UTP23: variants seen among roughly 807,000 people sequenced by gnomAD.
UTP23 encodes the protein UTP23 small subunit processome component.
UTP23 carries 10 observed loss-of-function variants against 19.8 expected under a neutral mutation model. That is an observed-to-expected ratio of 0.50 (90% CI 0.31 to 0.86). The LOEUF is 0.86. UTP23 is among the 40% of genes least tolerant of loss of function. The probability of loss-of-function intolerance (pLI) is 0.05; values close to 1 mark genes in which losing one functional copy is unlikely to be tolerated. For synonymous variants in UTP23, 108 were observed against 105.4 expected, an observed-to-expected ratio of 1.02 and a Z score of -0.15; for missense variants, 282 against 293.1, an observed-to-expected ratio of 0.96 and a Z score of 0.28.
intron 2 of UTP23, 196 bp downstream of exon 2, chr8:116,770,562 G>T: frequency 2.0e-6 from 1 of 488,224 alleles, no homozygotes; most frequent in Non-Finnish European, 3.4e-6. Flanking sequence ...ATTCTTTTTA[G>T]TAGTGGAAGG....
chr8:116,768,496 A>C (rs911819773), intron 1 of UTP23, among the ~76,000 whole-genome samples: 1 of 152,200 alleles, frequency 6.6e-6, no homozygotes, highest in Non-Finnish European at 1.5e-5. Context: ...AGTTATTAAC[A>C]TGGCCAATCT....
chr8:116,767,693 A>C (rs917367191), intron 1 of UTP23, among the ~76,000 whole-genome samples: 11 of 152,228 alleles, frequency 7.2e-5, no homozygotes, highest in African/African-American at 2.7e-4. Context: ...CCTGGGAAAG[A>C]GGTTGCAGCA....
rs757059865 is a variant in UTP23, at chr8:116,771,556, T to G, written c.464T>G (p.Ile155Ser). The change falls in exon 3 of 3, where the codon ATT (isoleucine) becomes AGT (serine). Residue 155 changes from isoleucine (I) to serine (S), a missense_variant. Coordinates refer to ENST00000309822, the MANE Select transcript of UTP23 (RefSeq NM_032334.3). ...TTGGACAAACCTTCTCCCAAAACAA[T>G]TGCCTTTGTAAAAGCAGTGGAGTCA... ...MVLDKPSPKT[I>S]AFVKAVESGQ... The G allele has an allele frequency of 6.2e-7, 1 of 1,612,478 alleles. No individual in the cohort carries two copies. Among genetic ancestry groups the G allele is most frequent in the Non-Finnish European group, 8.5e-7 (1 of 1,179,626 alleles).
At position 116,766,683 on chromosome 8, in the gene UTP23, A is replaced by G; in HGVS notation, c.80A>G (p.Gln27Arg). 1 of 1,613,824 alleles carries G rather than the reference A, an allele frequency of 6.2e-7. No homozygotes were observed. The highest frequency in any genetic ancestry group is 1.3e-5 in the African/African-American group (1 of 75,060). ...RNNFGVREPY[Q>R]ILLDGTFCQA... is the part of the protein sequence containing the mutation. Reference sequence around the variant, plus strand: ...AACTTCGGAGTCCGCGAGCCGTACCAGATCCTGCTGGACGGCACCTTCTGT... The same window carrying G: ...AACTTCGGAGTCCGCGAGCCGTACCGGATCCTGCTGGACGGCACCTTCTGT... Residue 27 changes from glutamine to arginine, a missense_variant, in exon 1 of 3, where the codon CAG becomes CGG. Gln to Arg is a conservative substitution (Grantham distance 43). Transcript: ENST00000309822.
chr8:116,767,166 T>C (rs999866268), intron 1 of UTP23, among the ~76,000 whole-genome samples: 1 of 152,226 alleles, frequency 6.6e-6, no homozygotes, highest in Non-Finnish European at 1.5e-5. Context: ...TGCTGTAAGC[T>C]CAAACGAGTA....
chr8:116,771,389 C>G (rs1815648287), intron 2 of UTP23, 67 bp from the exon 3 acceptor site: 2 of 1,277,784 alleles, frequency 1.6e-6, no homozygotes, highest in Admixed American at 5.8e-5. Flanking sequence ...TAATACAGTT[C>G]TTGAAAACCT....
chr8:116,767,235 C>G (rs893181605), intron 1 of UTP23, among the ~76,000 whole-genome samples: 1 of 152,226 alleles, frequency 6.6e-6, no homozygotes. Context: ...TGGTTGCTGT[C>G]ATTTGCATAG....
In UTP23 at chr8:116,772,933, CT is replaced by C; in HGVS notation, c.*1093del. The C allele has an allele frequency of 1.0e-6, 1 of 985,394 alleles. No individual in the cohort carries two copies. Among genetic ancestry groups the C allele is most frequent in the Non-Finnish European group, 1.2e-6 (1 of 829,896 alleles). The allele number at this position is 985,394 out of a possible 1,614,324, so 61.0% of individuals were successfully genotyped here. ...CGTATCAGTAGTTCCTGACTGACAGCTTCTGGAGCCACACTAGAGCAGTGAT... is the reference window on the plus strand; with the variant it reads ...CGTATCAGTAGTTCCTGACTGACAGCTCTGGAGCCACACTAGAGCAGTGAT... On this transcript the variant is annotated 3_prime_UTR_variant, in exon 3 of 3. Transcript: ENST00000309822.
Position 116,773,508 on chromosome 8 carries a change from G to T in UTP23, c.*1666G>T. 1 of 983,832 alleles carries T rather than the reference G, an allele frequency of 1.0e-6. No individual in the cohort carries two copies. Among genetic ancestry groups the T allele is most frequent in the Non-Finnish European group, 1.2e-6 (1 of 828,488 alleles). 60.9% of individuals were successfully genotyped at this position (983,832 alleles called of 1,614,324 possible). A position where few individuals can be genotyped will look rare whatever the true frequency, so the allele number is the denominator to read the frequency against. On this transcript the variant is annotated 3_prime_UTR_variant, in exon 3 of 3. Transcript: ENST00000309822. ...TTATAGAAGTACTAAAAATTACAAT[G>T]TATTAGTAAGTTTAATATTTTGACA... is the stretch of plus-strand genomic sequence containing the variant.
chr8:116,774,312 T>C lies in UTP23; in HGVS notation c.*2470T>C. 1 of 985,316 alleles carries C rather than the reference T, an allele frequency of 1.0e-6. No homozygotes were observed. The allele number at this position is 985,316 out of a possible 1,614,324, so 61.0% of individuals were successfully genotyped here. ...TGCAAGTATATAAATTAAAACCAAGTCACTTTAGAACAGCTTTGAAACTAG... is the reference window on the plus strand; with the variant it reads ...TGCAAGTATATAAATTAAAACCAAGCCACTTTAGAACAGCTTTGAAACTAG... On this transcript the variant is annotated 3_prime_UTR_variant, in exon 3 of 3. Transcript: ENST00000309822.
Position 116,771,510 on chromosome 8 carries a change from A to G in UTP23, c.418A>G (p.Ile140Val). 6.4e-7 allele frequency: 1 copy of G among 1,560,524 alleles called. No homozygotes were observed. The highest frequency in any genetic ancestry group is 1.2e-5 in the South Asian group (1 of 80,042). The change falls in exon 3 of 3, where the codon ATT (isoleucine) becomes GTT (valine). Residue 140 changes from isoleucine to valine, a missense_variant. By Grantham distance (29) the Ile-to-Val change is conservative. Transcript: ENST00000309822. ...GAAGCCTGGAGTTCCTCTCATGTTT[A>G]TTATTCAGAACACTATGGTTTTGGA... ...KKKPGVPLMF[I>V]IQNTMVLDKP...
chr8:116,770,281 A>G lies in UTP23; in HGVS notation c.278A>G (p.His93Arg). The G allele has an allele frequency of 6.2e-7, 1 of 1,614,110 alleles. No homozygotes were observed. Among genetic ancestry groups the G allele is most frequent in the Non-Finnish European group, 8.5e-7 (1 of 1,179,980 alleles). ...AQKCQVRNCP[H>R]FKNAVSGSEC... is the part of the protein sequence containing the mutation. The stretch of plus-strand genomic sequence containing the variant: ...AAATGCCAAGTTCGAAATTGTCCTC[A>G]TTTCAAGAATGCAGTGAGTGGATCA... The change falls in exon 2 of 3, where the codon CAT becomes CGT. Residue 93 changes from histidine to arginine, a missense_variant. Transcript: ENST00000309822.
chr8:116,772,062 A>C lies in UTP23; in HGVS notation c.*220A>C, dbSNP rs1450793522. ...CTGGGCATGATGGTGCACAGTTGTA[A>C]TTCCAGCTACTCAGGAGGCTGAGGC... On this transcript the variant is annotated 3_prime_UTR_variant, in exon 3 of 3. Coordinates refer to ENST00000309822, the MANE Select transcript of UTP23 (RefSeq NM_032334.3). 1.4e-5 allele frequency: 16 copies of C among 1,166,162 alleles called. No homozygotes were observed. The highest frequency in any genetic ancestry group is 1.6e-5 in the Non-Finnish European group (15 of 941,694). The allele number at this position is 1,166,162 out of a possible 1,614,324, so 72.2% of individuals were successfully genotyped here. A position where few individuals can be genotyped will look rare whatever the true frequency, so the allele number is the denominator to read the frequency against.
Position 116,772,738 on chromosome 8 carries a change from A to C in UTP23, c.*896A>C. The C allele has an allele frequency of 1.0e-6, 1 of 985,388 alleles. No homozygotes were observed. The highest frequency in any genetic ancestry group is 1.2e-6 in the Non-Finnish European group (1 of 829,886). The allele number at this position is 985,388 out of a possible 1,614,324, so 61.0% of individuals were successfully genotyped here. On this transcript the variant is annotated 3_prime_UTR_variant, in exon 3 of 3. Coordinates refer to ENST00000309822, the MANE Select transcript of UTP23 (RefSeq NM_032334.3). Reference sequence around the variant, plus strand: ...GAGATTGACTGTGAATGTTATTGAAAAGTGTCTAAATTAGTCTGAGGATCA... The same window carrying C: ...GAGATTGACTGTGAATGTTATTGAACAGTGTCTAAATTAGTCTGAGGATCA...
chr8:116,770,476 A>G, intron 2 of UTP23, 110 bp downstream of exon 2: 1 of 1,060,082 alleles, frequency 9.4e-7, no homozygotes, highest in Non-Finnish European at 1.3e-6. Flanking sequence ...TTAAAAATAC[A>G]GGCTTCTAAG....
rs367838432 is a variant in UTP23 at position 116,766,639 on chromosome 8, T to G, written c.36T>G (p.His12Gln). ...KITRQKHAKK[H>Q]LGFFRNNFGV... ...CAAGGCAGAAACATGCCAAGAAGCA[T>G]CTTGGCTTCTTCCGCAACAACTTCG... The change falls in exon 1 of 3, where the codon CAT (histidine) becomes CAG (glutamine). Residue 12 changes from histidine (H) to glutamine (Q), a missense_variant. Coordinates refer to ENST00000309822, the MANE Select transcript of UTP23 (RefSeq NM_032334.3). 12 of 1,613,740 alleles carry G rather than the reference T, an allele frequency of 7.4e-6. No individual in the cohort carries two copies. Among genetic ancestry groups the G allele is most frequent in the East Asian group, 6.7e-5 (3 of 44,866 alleles).
Position 116,770,210 on chromosome 8 carries a change from A to G in UTP23, c.207A>G (p.Leu69=). Residue 69 remains leucine, a synonymous_variant, in exon 2 of 3, where the codon CTA becomes CTG. Coordinates refer to ENST00000309822, the MANE Select transcript of UTP23 (RefSeq NM_032334.3). The stretch of plus-strand genomic sequence containing the variant: ...TTTTCAGATGTGTGTTAAAAGAGCT[A>G]GAAACATTGGGAAAGGACTTATATG... The part of the protein sequence containing the change: ...LCTTRCVLKE[L]ETLGKDLYGA... 4.3e-6 allele frequency: 7 copies of G among 1,611,224 alleles called. No individual in the cohort carries two copies. The highest frequency in any genetic ancestry group is 1.7e-5 in the Admixed American group (1 of 59,952).
At position 116,774,510 on chromosome 8, in the gene UTP23, A is replaced by C. The variant is rs1815698717; in HGVS notation, c.*2668A>C. 1 of 833,928 alleles carries C rather than the reference A, an allele frequency of 1.2e-6. No individual in the cohort carries two copies. Among genetic ancestry groups the C allele is most frequent in the African/African-American group, 1.9e-5 (1 of 53,600 alleles). 51.7% of individuals were successfully genotyped at this position (833,928 alleles called of 1,614,324 possible). A position where few individuals can be genotyped will look rare whatever the true frequency, so the allele number is the denominator to read the frequency against. ...TATCTATATATATGACATTATTCCC[A>C]ATTAGTTTTATATCTCCAAGATATA... On this transcript the variant is annotated 3_prime_UTR_variant, in exon 3 of 3. Transcript: ENST00000309822.
rs570992820 is a variant in UTP23 at position 116,772,176 on chromosome 8, T to C, written c.*334T>C. ...CAGCCTGGGCAACAGAGTGAGAACA[T>C]GTCTCAAAAAAAAAATAAAAACAGT... On this transcript the variant is annotated 3_prime_UTR_variant, in exon 3 of 3. Transcript: ENST00000309822. 60 of 1,012,522 alleles carry C rather than the reference T, an allele frequency of 5.9e-5. No individual in the cohort carries two copies. The African/African-American group carries it at 1.0e-3, about 17-fold the overall frequency. The allele number at this position is 1,012,522 out of a possible 1,614,324, so 62.7% of individuals were successfully genotyped here. A position where few individuals can be genotyped will look rare whatever the true frequency, so the allele number is the denominator to read the frequency against.
Sources: gnomAD v4.1 joint callset for allele counts (sites outside exome capture counted in the v4.1 genomes callset) on GRCh38, gnomAD v4.1.1 for gene constraint, MANE v1.5 for transcripts, NCBI Gene and HGNC (gene_info 2026-07-23, HGNC 2026-07-21) for gene names.